The following IQCB1 variants were observed in gnomAD, a reference collection of about 807,000 sequenced individuals.
IQCB1 encodes IQ calmodulin-binding motif-containing protein 1.
In IQCB1, 56 loss-of-function variants were observed where a neutral mutation model predicts 84.4. The ratio of observed to expected loss-of-function variants is 0.66; its 90% CI spans 0.54 to 0.83. IQCB1 has a LOEUF of 0.83. IQCB1 is among the 40% of genes least tolerant of loss of function. The pLI is 0.00. For missense variants in IQCB1, 629 were observed against 682.1 expected, an observed-to-expected ratio of 0.92 and a Z score of 0.87; for synonymous variants, 210 against 234.8, an observed-to-expected ratio of 0.89 and a Z score of 0.96.
At chr3:121,807,018 T>G (rs1222639837) in intron 7 of IQCB1, among the ~76,000 whole-genome samples, 1 of 152,010 alleles carries the variant, frequency 6.6e-6, no homozygotes, top group Non-Finnish European at 1.5e-5. Context: ...TTCTTCAGAT[T>G]ATCACACTAA....
At position 121,772,575 on chromosome 3, in the gene IQCB1, T is replaced by A. The variant is rs139468837; in HGVS notation, c.1549A>T (p.Asn517Tyr). 2.4e-3 allele frequency: 3,842 copies of A among 1,614,226 alleles called. 15 individuals carry two copies. Among genetic ancestry groups the A allele is most frequent in the Non-Finnish European group, 2.3e-3 (2,772 of 1,180,040 alleles). ...CACATACTCATTAGCTGTTCAACGT[T>A]GGTGCTGATCTGTGCTATCAGAGCT... ...REALIAQIST[N>Y]VEQLMKAPSL... is the part of the protein sequence containing the mutation. The change falls in exon 14 of 15, where the codon AAC becomes TAC. Residue 517 changes from asparagine to tyrosine, a missense_variant. Physicochemically the swap from Asn to Tyr is moderately radical, Grantham distance 143 (BLOSUM62 -2). Transcript: ENST00000310864.
intron 10 of IQCB1, among the ~76,000 whole-genome samples, chr3:121,793,503 G>A (rs959957371): frequency 1.1e-4 from 17 of 152,172 alleles, no homozygotes; most frequent in African/African-American, 4.1e-4. Context: ...AAAAAACCAA[G>A]CTACAAAGGA....
At chr3:121,795,905 T>C (rs1949174705) in intron 9 of IQCB1, among the ~76,000 whole-genome samples, 1 of 152,162 alleles carries the variant, frequency 6.6e-6, no homozygotes, top group Non-Finnish European at 1.5e-5. Flanking sequence ...CCTAGTTAGG[T>C]TCAAACTATA....
chr3:121,813,158 C>G (rs1011126889), intron 5 of IQCB1, among the ~76,000 whole-genome samples: 1 of 152,162 alleles, frequency 6.6e-6, no homozygotes, highest in Admixed American at 6.5e-5. Flanking sequence ...AATTTCATAT[C>G]TAGCCAAACT....
chr3:121,798,070 T>A (rs1949270804), intron 8 of IQCB1, among the ~76,000 whole-genome samples: 1 of 152,002 alleles, frequency 6.6e-6, no homozygotes, highest in Non-Finnish European at 1.5e-5. Flanking sequence ...AGGATTCAGG[T>A]AAAATTCCTT....
chr3:121,788,843 T>C (rs1379144411), intron 11 of IQCB1, among the ~76,000 whole-genome samples: 1 of 152,212 alleles, frequency 6.6e-6, no homozygotes, highest in Non-Finnish European at 1.5e-5. Flanking sequence ...GTTATACAGA[T>C]GACTTTCTTT....
chr3:121,795,788 A>G (rs767042591), intron 9 of IQCB1, among the ~76,000 whole-genome samples: 3 of 152,178 alleles, frequency 2.0e-5, no homozygotes, highest in Non-Finnish European at 4.4e-5. Context: ...AAATTCTCCC[A>G]GAATAATCTC....
intron 5 of IQCB1, among the ~76,000 whole-genome samples, chr3:121,812,221 C>T (rs1949857104): frequency 6.6e-6 from 1 of 152,196 alleles, no homozygotes; most frequent in East Asian, 1.9e-4. Flanking sequence ...AAAGCAATAA[C>T]ATCAACATCA....
chr3:121,780,967 A>G (rs1183198783), intron 13 of IQCB1, among the ~76,000 whole-genome samples: 1 of 152,226 alleles, frequency 6.6e-6, no homozygotes, highest in African/African-American at 2.4e-5. Flanking sequence ...AAGATACACT[A>G]TGAGTGCTTG....
intron 13 of IQCB1, among the ~76,000 whole-genome samples, chr3:121,773,469 A>G (rs531179829): frequency 1.3e-5 from 2 of 152,322 alleles, no homozygotes; most frequent in East Asian, 1.9e-4. Context: ...ACAAGGGACA[A>G]AATCATCCAA....
chr3:121,789,344 T>C (rs1223951971), intron 11 of IQCB1, among the ~76,000 whole-genome samples: 1 of 152,242 alleles, frequency 6.6e-6, no homozygotes, highest in Non-Finnish European at 1.5e-5. Context: ...TATACAACCT[T>C]TCATTTTTGT....
At chr3:121,795,425 T>C (rs1264123731) in intron 10 of IQCB1, 32 bp downstream of exon 10, 2 of 1,072,776 alleles carry the variant, frequency 1.9e-6, no homozygotes, top group Non-Finnish European at 2.9e-6. Flanking sequence ...TAAGATTCTA[T>C]GATCATCAAT....
At chr3:121,781,567 T>C (rs749152418) in intron 13 of IQCB1, among the ~76,000 whole-genome samples, 176 bp downstream of exon 13, 33 of 152,006 alleles carry the variant, frequency 2.2e-4, no homozygotes, top group South Asian at 1.2e-3. Flanking sequence ...GCTATGTAAC[T>C]AGAAAAAGAT....
intron 9 of IQCB1, 151 bp from the exon 10 acceptor site, chr3:121,795,717 G>A (rs533258579): frequency 1.6e-6 from 1 of 637,874 alleles, no homozygotes; most frequent in Admixed American, 2.8e-5. Flanking sequence ...CCCAAAGGAG[G>A]TATGTTAGGC....
intron 7 of IQCB1, among the ~76,000 whole-genome samples, chr3:121,800,818 TTC>T (rs1479082679): frequency 4.9e-5 from 1 of 20,372 alleles, no homozygotes; most frequent in African/African-American, 3.0e-4. Context: ...CTAATCCAAT[TTC>T]TGTTGCCACT....
chr3:121,806,186 T>G (rs1278108884), intron 7 of IQCB1, among the ~76,000 whole-genome samples: 3 of 152,164 alleles, frequency 2.0e-5, no homozygotes, highest in Non-Finnish European at 4.4e-5. Flanking sequence ...TTTTAATTCA[T>G]TATTTTAAAA....
In IQCB1 at chr3:121,835,043, C is replaced by G; in HGVS notation, c.-179G>C. 1.7e-6 allele frequency: 1 copy of G among 572,952 alleles called. No individual in the cohort carries two copies. The highest frequency in any genetic ancestry group is 3.1e-6 in the Non-Finnish European group (1 of 319,354). The allele number at this position is 572,952 out of a possible 1,614,324, so 35.5% of individuals were successfully genotyped here. A position where few individuals can be genotyped will look rare whatever the true frequency, so the allele number is the denominator to read the frequency against. ...ACTACAGCGCCGCGGCCTTCCGGGG[C>G]AGCGTGCGTCGCGACGCGGGAAGGG... On this transcript the variant is annotated 5_prime_UTR_variant, in exon 1 of 15. Coordinates refer to ENST00000310864, the MANE Select transcript of IQCB1 (RefSeq NM_001023570.4).
intron 8 of IQCB1, among the ~76,000 whole-genome samples, 185 bp from the exon 9 acceptor site, chr3:121,797,412 C>T (rs1221498508): frequency 6.6e-6 from 1 of 150,660 alleles, no homozygotes; most frequent in African/African-American, 2.4e-5. Flanking sequence ...AGATATTCCT[C>T]CCTCCTGAGA....
chr3:121,829,232 A>T (rs1042299121), intron 2 of IQCB1, among the ~76,000 whole-genome samples: 1 of 152,220 alleles, frequency 6.6e-6, no homozygotes, highest in African/African-American at 2.4e-5. Flanking sequence ...AGAGTCAGGA[A>T]CTGTGATAGG....
Sources: allele counts gnomAD v4.1 joint callset (sites outside exome capture counted in the v4.1 genomes callset), GRCh38; gene constraint gnomAD v4.1.1; transcripts MANE v1.5; gene names NCBI Gene and HGNC (gene_info 2026-07-23, HGNC 2026-07-21).